UNC80: variants seen among roughly 807,000 people sequenced by gnomAD.
UNC80 encodes unc-80 subunit of NALCN channel complex.
In UNC80, 164 loss-of-function variants were observed where a neutral mutation model predicts 384.6. That is an observed-to-expected ratio of 0.43 (90% CI 0.38 to 0.49). The LOEUF (loss-of-function observed/expected upper bound fraction) is 0.49, where lower values mean the gene tolerates loss of function less well. Ranked by LOEUF, UNC80 falls within the 20% of genes least tolerant of loss-of-function variation. UNC80 has a pLI of 0.00. For synonymous variants in UNC80, 1,486 were observed against 1,527.8 expected (o/e 0.97, Z 0.64); for missense variants, 3,330 against 4,143.0 (o/e 0.80, Z 5.39).
chr2:209,982,124 T>A lies in UNC80; in HGVS notation c.9119-55T>A, dbSNP rs554415180. On this transcript the variant is annotated intron_variant, in intron 59 of 64. Transcript: ENST00000673920. ...GAACCCAAGTACAGCTTTGGTTGGG[T>A]TTTTCTGATCAGTGTCATAGTTTTT... is the stretch of plus-strand genomic sequence containing the variant. 2.6e-6 allele frequency: 4 copies of A among 1,510,104 alleles called. No homozygotes were observed. The South Asian group carries it at 5.1e-5, about 19-fold the overall frequency. The allele number at this position is 1,510,104 out of a possible 1,614,324, so 93.5% of individuals were successfully genotyped here.
chr2:209,960,623 T>TA (rs1479198189), intron 51 of UNC80, among the ~76,000 whole-genome samples: 1 of 152,194 alleles, frequency 6.6e-6, no homozygotes, highest in African/African-American at 2.4e-5. Flanking sequence ...TGCCTTTTTT[T>TA]AAATTTAGAA....
At chr2:209,829,520 A>G in intron 15 of UNC80, 141 bp downstream of exon 15, 1 of 872,128 alleles carries the variant, frequency 1.1e-6, no homozygotes, top group East Asian at 2.7e-5. Context: ...GGGTGTGTGT[A>G]TAGAGTATAA....
chr2:209,820,810 A>C, intron 13 of UNC80, 131 bp downstream of exon 13: 1 of 992,888 alleles, frequency 1.0e-6, no homozygotes, highest in Non-Finnish European at 1.4e-6. Context: ...GAGTGGAGAA[A>C]TCTCTTCATT....
intron 7 of UNC80, among the ~76,000 whole-genome samples, chr2:209,807,374 T>A (rs1361358054): frequency 6.7e-6 from 1 of 150,304 alleles, no homozygotes. Flanking sequence ...ATTTTTTTTT[T>A]TTTTTTTTGA....
At chr2:209,885,208 T>C (rs2085673486) in intron 25 of UNC80, among the ~76,000 whole-genome samples, 1 of 151,852 alleles carries the variant, frequency 6.6e-6, no homozygotes, top group South Asian at 2.1e-4. Flanking sequence ...AGCAAGGTGG[T>C]GTGATGGTTG....
chr2:209,825,821 A>G, intron 13 of UNC80, 86 bp from the exon 14 acceptor site: 1 of 1,245,362 alleles, frequency 8.0e-7, no homozygotes, highest in Admixed American at 3.6e-5. Flanking sequence ...TATAAACTTG[A>G]TTTAATCATA....
intron 53 of UNC80, among the ~76,000 whole-genome samples, chr2:209,970,584 C>A (rs796856263): frequency 6.6e-6 from 1 of 152,182 alleles, no homozygotes; most frequent in South Asian, 2.1e-4. Context: ...CTTTTTGGTT[C>A]ATCTCTCATT....
rs2093487092 is a variant in UNC80 at position 209,996,609 on chromosome 2, A to G, written c.*1014A>G. ...ACTTGGAACATCTAAGTTTATAAGG[A>G]AAAATGTATAAAGTAAGCAATTTCT... On this transcript the variant is annotated 3_prime_UTR_variant, in exon 65 of 65. Coordinates refer to ENST00000673920, the MANE Select transcript of UNC80 (RefSeq NM_001371986.1). 1 of 152,242 alleles carries G rather than the reference A, an allele frequency of 6.6e-6. No individual in the cohort carries two copies. Among genetic ancestry groups the G allele is most frequent in the African/African-American group, 2.4e-5 (1 of 41,464 alleles). 9.4% of individuals were successfully genotyped at this position (152,242 alleles called of 1,614,324 possible).
At chr2:209,958,090 C>T (rs538938404) in intron 49 of UNC80, among the ~76,000 whole-genome samples, 23 of 152,174 alleles carry the variant, frequency 1.5e-4, no homozygotes, top group African/African-American at 5.5e-4. Context: ...TTATCATTCC[C>T]AGGGCACTCA....
At chr2:209,969,646 G>T in intron 52 of UNC80, 122 bp from the exon 53 acceptor site, 1 of 1,360,966 alleles carries the variant, frequency 7.3e-7, no homozygotes. Flanking sequence ...GAACAATATG[G>T]GTAAACTTCA....
At chr2:209,803,232 C>G (rs966669378) in intron 7 of UNC80, among the ~76,000 whole-genome samples, 2 of 152,144 alleles carry the variant, frequency 1.3e-5, no homozygotes, top group East Asian at 3.9e-4. Flanking sequence ...GGTGTGAACA[C>G]CATCAGATGG....
At chr2:209,893,556 C>T (rs77174337) in intron 26 of UNC80, among the ~76,000 whole-genome samples, 1,896 of 152,148 alleles carry the variant, frequency 0.012, 51 homozygotes, top group African/African-American at 0.043. Context: ...CACATCTCAC[C>T]CAGCCTTTTG....
intron 7 of UNC80, among the ~76,000 whole-genome samples, chr2:209,798,878 G>T (rs1225776552): frequency 6.8e-6 from 1 of 146,844 alleles, no homozygotes. Context: ...TAGAGACAGG[G>T]TTTCACTGTG....
At chr2:209,843,046 TTC>T (rs1288110134) in intron 21 of UNC80, among the ~76,000 whole-genome samples, 2 of 152,176 alleles carry the variant, frequency 1.3e-5, no homozygotes, top group African/African-American at 4.8e-5. Context: ...CCATTTCGTG[TTC>T]TCTCTTTTGA....
intron 53 of UNC80, 114 bp from the exon 54 acceptor site, chr2:209,970,718 C>T (rs1245476187): frequency 3.1e-6 from 4 of 1,298,594 alleles, no homozygotes; most frequent in African/African-American, 1.5e-5. Flanking sequence ...TTGAAAGTAA[C>T]ATGTCCAACC....
At chr2:209,964,545 T>C (rs942328544) in intron 51 of UNC80, among the ~76,000 whole-genome samples, 1 of 152,062 alleles carries the variant, frequency 6.6e-6, no homozygotes, top group African/African-American at 2.4e-5. Context: ...TCCCAGCACT[T>C]TGGGAGGACG....
intron 6 of UNC80, among the ~76,000 whole-genome samples, chr2:209,790,382 T>C (rs983163937): frequency 3.9e-5 from 6 of 152,146 alleles, no homozygotes; most frequent in African/African-American, 1.2e-4. Context: ...ACCTGGAAAT[T>C]TTGGAGTCCT....
chr2:209,814,425 T>G (rs1012328928), intron 8 of UNC80, among the ~76,000 whole-genome samples: 4 of 151,982 alleles, frequency 2.6e-5, no homozygotes, highest in African/African-American at 9.7e-5. Context: ...TTTGTATTTT[T>G]TCAGTAGAGA....
chr2:209,885,364 G>A (rs898450824), intron 25 of UNC80, among the ~76,000 whole-genome samples: 1 of 152,172 alleles, frequency 6.6e-6, no homozygotes, highest in Non-Finnish European at 1.5e-5. Flanking sequence ...GGGCTGAACA[G>A]CTCTGATGAA....
Sources: allele counts gnomAD v4.1 joint callset (sites outside exome capture counted in the v4.1 genomes callset), GRCh38; gene constraint gnomAD v4.1.1; transcripts MANE v1.5; gene names NCBI Gene and HGNC (gene_info 2026-07-23, HGNC 2026-07-21).